Variants in ROBO2 observed in about 807,000 individuals in gnomAD.
ROBO2 encodes the protein roundabout homolog 2.
A neutral mutation model predicts 160.8 loss-of-function variants in ROBO2; 53 were observed. The observed-to-expected ratio is 0.33, with a 90% CI of 0.26 to 0.41. The LOEUF (loss-of-function observed/expected upper bound fraction) is 0.41, where lower values mean the gene tolerates loss of function less well. ROBO2 is among the 10% of genes least tolerant of loss of function. The pLI is 1.00. For missense variants in ROBO2, 1,577 were observed against 1,722.4 expected (o/e 0.92, Z 1.49); for synonymous variants, 664 against 611.7 (o/e 1.09, Z -1.26).
chr3:77,219,924 A>G (rs1215346202), intron 2 of ROBO2, among the ~76,000 whole-genome samples: 1 of 151,622 alleles, frequency 6.6e-6, no homozygotes, highest in Non-Finnish European at 1.5e-5. Flanking sequence ...TATGGAAACA[A>G]TGACATATCC....
Position 76,622,267 on chromosome 3 carries a change from A to G in ROBO2, c.110-475747A>G, listed in dbSNP as rs1375562251. Among the ~76,000 whole-genome samples the G allele has an allele frequency of 3.2e-4, 17 of 53,392 alleles. 1 individual carries two copies. The highest frequency in any genetic ancestry group is 1.4e-3 in the East Asian group (2 of 1,456). 35.0% of individuals were successfully genotyped at this position (53,392 alleles called of 152,430 possible). On this transcript the variant is annotated intron_variant, in intron 2 of 26. Coordinates refer to the ROBO2 transcript ENST00000487694. The stretch of plus-strand genomic sequence containing the variant: ...GAAAGAAAGAAAGAAAGAAAGAAAG[A>G]AAGAAAGAAAGAAAGAAAGAAAGAA...
At chr3:77,221,937 C>T (rs2151203225) in intron 2 of ROBO2, among the ~76,000 whole-genome samples, 1 of 150,154 alleles carries the variant, frequency 6.7e-6, no homozygotes, top group East Asian at 2.0e-4. Context: ...ACTACAACCT[C>T]CGCCTCCCAG....
intron 2 of ROBO2, among the ~76,000 whole-genome samples, chr3:76,027,516 G>T (rs955395175): frequency 4.0e-5 from 6 of 151,788 alleles, no homozygotes; most frequent in East Asian, 1.9e-4. Context: ...AGCCACTGTT[G>T]GTTGCTACGC....
intron 2 of ROBO2, among the ~76,000 whole-genome samples, chr3:76,724,111 T>G (rs1384365975): frequency 6.6e-6 from 1 of 152,162 alleles, no homozygotes; most frequent in African/African-American, 2.4e-5. Flanking sequence ...GCACATAAAC[T>G]TTTATCTTTT....
intron 2 of ROBO2, among the ~76,000 whole-genome samples, chr3:77,403,499 A>C (rs1290865075): frequency 6.6e-6 from 1 of 151,360 alleles, no homozygotes; most frequent in African/African-American, 2.4e-5. Context: ...ACTTAACCTA[A>C]TGGTCTCCAG....
In ROBO2 at chr3:76,624,929, A is replaced by T. The variant is rs555373283; in HGVS notation, c.110-473085A>T. Among the ~76,000 whole-genome samples, 8 of 151,556 alleles carry T rather than the reference A, an allele frequency of 5.3e-5. No individual in the cohort carries two copies. In the South Asian group the frequency reaches 1.7e-3, roughly 32 times the overall value. On this transcript the variant is annotated intron_variant, in intron 2 of 26. Coordinates refer to the ROBO2 transcript ENST00000487694. ...CACCAAGATGACTAAATAAATAGTA[A>T]GTCTTATAAATTGTAATATTTGGGG...
intron 2 of ROBO2, among the ~76,000 whole-genome samples, chr3:76,041,574 T>C (rs984226290): frequency 1.2e-4 from 18 of 152,108 alleles, no homozygotes; most frequent in African/African-American, 4.1e-4. Context: ...TTCATTGGAA[T>C]ATCAATGAAT....
chr3:76,211,574 G>A (rs1024422508), intron 2 of ROBO2, among the ~76,000 whole-genome samples: 2 of 152,136 alleles, frequency 1.3e-5, no homozygotes, highest in African/African-American at 4.8e-5. Context: ...TTCCTTACAA[G>A]CAATGCTTTT....
intron 2 of ROBO2, among the ~76,000 whole-genome samples, chr3:77,219,051 C>T (rs1289078156): frequency 6.6e-6 from 1 of 152,114 alleles, no homozygotes; most frequent in Non-Finnish European, 1.5e-5. Context: ...TCACTGCAAC[C>T]TTTGCCTTCT....
intron 2 of ROBO2, among the ~76,000 whole-genome samples, chr3:76,629,285 T>A (rs770100208): frequency 1.4e-4 from 22 of 152,082 alleles, no homozygotes; most frequent in Admixed American, 4.6e-4. Context: ...GTACAACTAA[T>A]TTTTTTTCCA....
chr3:77,221,744 G>A (rs2085820439), intron 2 of ROBO2, among the ~76,000 whole-genome samples: 1 of 151,942 alleles, frequency 6.6e-6, no homozygotes, highest in African/African-American at 2.4e-5. Context: ...CCAAAAGAAG[G>A]GGATTTCTGT....
chr3:77,048,143 A>G (rs965801570), intron 1 of ROBO2, among the ~76,000 whole-genome samples: 2 of 152,234 alleles, frequency 1.3e-5, no homozygotes, highest in Admixed American at 6.5e-5. Flanking sequence ...TTATTAGATT[A>G]TTATTCCCTG....
At chr3:75,949,215 T>C (rs1320940121) in intron 2 of ROBO2, among the ~76,000 whole-genome samples, 2 of 152,098 alleles carry the variant, frequency 1.3e-5, no homozygotes, top group Non-Finnish European at 2.9e-5. Context: ...TCTCAATATG[T>C]CTCCTTGTCA....
chr3:76,790,472 A>ACTAT (rs1176828194), intron 2 of ROBO2, among the ~76,000 whole-genome samples: 2 of 151,698 alleles, frequency 1.3e-5, no homozygotes, highest in Non-Finnish European at 3.0e-5. Flanking sequence ...AAATGGATTT[A>ACTAT]CTATCTGACA....
intron 2 of ROBO2, among the ~76,000 whole-genome samples, chr3:76,314,454 CATATA>C (rs1012149502): frequency 2.6e-5 from 4 of 151,850 alleles, no homozygotes; most frequent in Admixed American, 2.6e-4. Flanking sequence ...ATCATATTTA[CATATA>C]ATATACATAT....
At chr3:76,374,419 T>C (rs189507536) in intron 2 of ROBO2, among the ~76,000 whole-genome samples, 39 of 152,146 alleles carry the variant, frequency 2.6e-4, no homozygotes, top group Admixed American at 1.9e-3. Context: ...ACTTACAATT[T>C]TATTTTAGAC....
intron 2 of ROBO2, among the ~76,000 whole-genome samples, chr3:76,190,289 C>T (rs1701947669): frequency 6.6e-6 from 1 of 152,042 alleles, no homozygotes; most frequent in Admixed American, 6.6e-5. Context: ...TCTGGTGTCC[C>T]TCCCGAAGAG....
chr3:77,617,753 T>G lies in ROBO2; in HGVS notation c.3534T>G (p.Phe1178Leu), dbSNP rs1008827028. The change falls in exon 22 of 26, where the codon TTT becomes TTG. Residue 1178 changes from phenylalanine to leucine, a missense_variant. By Grantham distance (22) the Phe-to-Leu change is conservative. This residue lies in a region of ROBO2 where 637 missense variants were observed against 586.9 expected (regional missense o/e 1.09). Coordinates refer to ENST00000461745, the Ensembl canonical transcript of ROBO2. ...ATGAGTTGACAAGAGCCTATCAGTT[T>G]GATATAGCAAAACAAACATGGTAAA... 11 of 1,613,352 alleles carry G rather than the reference T, an allele frequency of 6.8e-6. No individual in the cohort carries two copies. The Admixed American group carries it at 1.3e-4, about 20-fold the overall frequency.
intron 2 of ROBO2, among the ~76,000 whole-genome samples, chr3:76,011,106 A>G (rs574838870): frequency 2.8e-4 from 43 of 152,042 alleles, no homozygotes; most frequent in Non-Finnish European, 5.9e-4. Context: ...TATAAAATAG[A>G]CTCCATATCC....
Sources: allele counts gnomAD v4.1 joint callset (sites outside exome capture counted in the v4.1 genomes callset), GRCh38; gene constraint gnomAD v4.1.1; regional missense constraint gnomAD v4.1.1; transcripts MANE v1.5; gene names NCBI Gene and HGNC (gene_info 2026-07-23, HGNC 2026-07-21).